HTR7: variants seen among roughly 807,000 people sequenced by gnomAD.
HTR7 encodes the protein 5-HT-7.
Under a neutral mutation model 34.0 loss-of-function variants are expected in HTR7, and 16 were observed. That is an observed-to-expected ratio of 0.47 (90% CI 0.32 to 0.71). HTR7 has a LOEUF of 0.71. HTR7 is among the 30% of genes least tolerant of loss of function. HTR7 has a pLI of 0.04. For synonymous variants in HTR7, 265 were observed against 260.2 expected (o/e 1.02, Z -0.18); for missense variants, 504 against 625.5 (o/e 0.81, Z 2.07).
intron 1 of HTR7, among the ~76,000 whole-genome samples, chr10:90,808,517 G>GCTC (rs1412011225): frequency 6.6e-6 from 1 of 151,532 alleles, no homozygotes; most frequent in East Asian, 1.9e-4. Context: ...ATATCTCTGT[G>GCTC]CTCCGATCCC....
At chr10:90,821,517 A>C (rs1353490630) in intron 1 of HTR7, among the ~76,000 whole-genome samples, 5 of 152,228 alleles carry the variant, frequency 3.3e-5, no homozygotes, top group Non-Finnish European at 1.5e-5. Context: ...ACTGCAGGCT[A>C]AGGTGCTCTG....
intron 1 of HTR7, among the ~76,000 whole-genome samples, chr10:90,762,907 C>A (rs774369981): frequency 1.3e-5 from 2 of 152,150 alleles, no homozygotes; most frequent in African/African-American, 4.8e-5. Context: ...CCCCATTGTG[C>A]ACTCTTGGCA....
intron 1 of HTR7, among the ~76,000 whole-genome samples, chr10:90,751,961 T>C (rs1306722251): frequency 2.0e-5 from 3 of 152,230 alleles, no homozygotes; most frequent in African/African-American, 7.2e-5. Flanking sequence ...ATTTAAATGG[T>C]ATGTTTATTC....
intron 1 of HTR7, among the ~76,000 whole-genome samples, chr10:90,791,948 A>G (rs1166509880): frequency 6.6e-6 from 1 of 152,146 alleles, no homozygotes; most frequent in Non-Finnish European, 1.5e-5. Context: ...AAAAGACATC[A>G]GGAAATTAAA....
chr10:90,746,253 G>A (rs935626875), intron 2 of HTR7, among the ~76,000 whole-genome samples: 11 of 152,070 alleles, frequency 7.2e-5, no homozygotes, highest in Non-Finnish European at 1.2e-4. Context: ...CTCAGCAAAC[G>A]CATGTTATTA....
At chr10:90,841,618 C>T (rs1460911103) in intron 1 of HTR7, among the ~76,000 whole-genome samples, 1 of 152,256 alleles carries the variant, frequency 6.6e-6, no homozygotes, top group South Asian at 2.1e-4. Flanking sequence ...TTAACATCAT[C>T]TTCTTCTCTG....
At chr10:90,775,723 T>C (rs891933033) in intron 1 of HTR7, among the ~76,000 whole-genome samples, 2 of 152,218 alleles carry the variant, frequency 1.3e-5, no homozygotes, top group Non-Finnish European at 2.9e-5. Context: ...TTCTAGAAAG[T>C]AGATTCTTGA....
intron 1 of HTR7, among the ~76,000 whole-genome samples, chr10:90,751,510 G>A (rs1343072341): frequency 3.9e-5 from 6 of 152,074 alleles, no homozygotes; most frequent in Non-Finnish European, 8.8e-5. Context: ...TCCAAGACAT[G>A]AGCCCAGGAT....
chr10:90,792,946 C>T (rs1181602387), intron 1 of HTR7, among the ~76,000 whole-genome samples: 7 of 151,952 alleles, frequency 4.6e-5, no homozygotes, highest in Admixed American at 4.6e-4. Flanking sequence ...AACTATAAAA[C>T]TCCTAAAAGA....
intron 1 of HTR7, among the ~76,000 whole-genome samples, chr10:90,832,391 C>A (rs113107066): frequency 6.6e-6 from 1 of 152,202 alleles, no homozygotes; most frequent in Admixed American, 6.5e-5. Flanking sequence ...GCTGGGGGAC[C>A]CGGCACACCC....
chr10:90,851,600 G>A (rs1232416651), intron 1 of HTR7, among the ~76,000 whole-genome samples: 7 of 82,630 alleles, frequency 8.5e-5, no homozygotes, highest in East Asian at 4.1e-4. Flanking sequence ...GTGAGACTCC[G>A]TCCCAAAAAA....
chr10:90,844,918 A>C (rs1236613940), intron 1 of HTR7, among the ~76,000 whole-genome samples: 1 of 152,012 alleles, frequency 6.6e-6, no homozygotes, highest in Non-Finnish European at 1.5e-5. Context: ...AAAGTTGCCC[A>C]GGTGATTCTA....
At chr10:90,754,482 C>T (rs116683424) in intron 1 of HTR7, among the ~76,000 whole-genome samples, 1,860 of 152,170 alleles carry the variant, frequency 0.012, 31 homozygotes, top group African/African-American at 0.038. Flanking sequence ...TTTATCCTCA[C>T]TGTTAATTAG....
At chr10:90,822,887 G>C (rs544840963) in intron 1 of HTR7, among the ~76,000 whole-genome samples, 33 of 152,350 alleles carry the variant, frequency 2.2e-4, no homozygotes, top group African/African-American at 7.9e-4. Context: ...CACTGTTCCA[G>C]AGGGTGCAAG....
rs770077578 is a variant in HTR7, at chr10:90,857,433, T to C, written c.239A>G (p.Glu80Gly). Residue 80 changes from glutamate to glycine, a missense_variant, in exon 1 of 4, where the codon GAG (glutamate) becomes GGG (glycine). Around this residue, in one of 4 missense-constraint regions of HTR7, gnomAD observed 139 missense variants for 117.1 expected, o/e 1.19. Coordinates refer to ENST00000336152, the MANE Select transcript of HTR7 (RefSeq NM_019859.4). This position sits in a 1 kb window ranked among gnomAD's most constrained non-coding sequence, Gnocchi z 6.5. Reference protein sequence around the residue: ...CGEQINYGRVEKVVIGSILTL... With the variant: ...CGEQINYGRVGKVVIGSILTL... The stretch of plus-strand genomic sequence containing the variant: ...CAGGATGGAGCCGATCACAACTTTC[T>C]CGACTCTGCCGTAGTTGATCTGTTC... The C allele has an allele frequency of 3.6e-5, 58 of 1,613,894 alleles. No homozygotes were observed. Among genetic ancestry groups the C allele is most frequent in the Non-Finnish European group, 4.8e-5 (57 of 1,180,034 alleles).
At chr10:90,773,649 C>T (rs1008636933) in intron 1 of HTR7, among the ~76,000 whole-genome samples, 1 of 152,112 alleles carries the variant, frequency 6.6e-6, no homozygotes, top group Non-Finnish European at 1.5e-5. Context: ...TCCTTCTACT[C>T]TCTATGTTCA....
chr10:90,844,725 T>TAAAAAAA lies in HTR7; in HGVS notation c.539+12407_539+12408insTTTTTTT, dbSNP rs1564701422. On this transcript the variant is annotated intron_variant, in intron 1 of 3. Transcript: ENST00000336152. ...CTGGGCAACAGAATGAGACTCCGTC[T>TAAAAAAA]CAAAAAAAAAAAAAAAAAAAAAAAA... is the stretch of plus-strand genomic sequence containing the variant. Among the ~76,000 whole-genome samples the TAAAAAAA allele has an allele frequency of 1.8e-3, 51 of 27,794 alleles. 11 individuals are homozygous for TAAAAAAA. Among genetic ancestry groups the TAAAAAAA allele is most frequent in the African/African-American group, 5.0e-3 (49 of 9,802 alleles). The allele number at this position is 27,794 out of a possible 152,430, so 18.2% of individuals were successfully genotyped here. A position where few individuals can be genotyped will look rare whatever the true frequency, so the allele number is the denominator to read the frequency against.
At chr10:90,796,774 C>T (rs1057222474) in intron 1 of HTR7, among the ~76,000 whole-genome samples, 5 of 152,178 alleles carry the variant, frequency 3.3e-5, no homozygotes, top group South Asian at 2.1e-4. Flanking sequence ...TATGGGAGGC[C>T]GAGGCAGGCA....
At chr10:90,782,537 C>A (rs1158343135) in intron 1 of HTR7, among the ~76,000 whole-genome samples, 3 of 152,096 alleles carry the variant, frequency 2.0e-5, no homozygotes, top group Non-Finnish European at 4.4e-5. Context: ...GCAATCAAAC[C>A]TGCTAGAATC....
Sources: gnomAD v4.1 joint callset for allele counts (sites outside exome capture counted in the v4.1 genomes callset) on GRCh38, gnomAD v4.1.1 for gene constraint, gnomAD v4.1.1 regional missense constraint, Gnocchi (gnomAD v3.1) non-coding constraint, MANE v1.5 for transcripts, NCBI Gene and HGNC (gene_info 2026-07-23, HGNC 2026-07-21) for gene names.